The following LGSN variants were observed in gnomAD, a reference collection of about 807,000 sequenced individuals.
LGSN encodes the protein lengsin, lens protein with glutamine synthetase domain.
A neutral mutation model predicts 19.5 loss-of-function variants in LGSN; 21 were observed. The observed-to-expected ratio is 1.07, with a 90% confidence interval of 0.76 to 1.55. The LOEUF (loss-of-function observed/expected upper bound fraction) is 1.55, where lower values mean the gene tolerates loss of function less well. LGSN is among the 40% of genes most tolerant of loss of function. LGSN has a pLI of 0.00. For synonymous variants in LGSN, 257 were observed against 215.6 expected (o/e 1.19, Z -1.68); for missense variants, 673 against 608.5 (o/e 1.11, Z -1.12).
chr6:63,401,481 T>A, the LGSN span, among the ~76,000 whole-genome samples: 1 of 151,992 alleles, frequency 6.6e-6, no homozygotes, highest in East Asian at 1.9e-4. Flanking sequence ...ATAACAAGGT[T>A]ATAACCATCA....
intron 1 of LGSN, among the ~76,000 whole-genome samples, chr6:63,295,464 A>G (rs1767949766): frequency 6.6e-6 from 1 of 152,124 alleles, no homozygotes; most frequent in Admixed American, 6.5e-5. Context: ...TAAGCATCTG[A>G]AGAATTGTAT....
chr6:63,413,144 A>G, the LGSN span, among the ~76,000 whole-genome samples: 3 of 147,384 alleles, frequency 2.0e-5, no homozygotes, highest in African/African-American at 8.1e-5. Flanking sequence ...TCATATTAAT[A>G]AAATGTAAAG....
the LGSN span, among the ~76,000 whole-genome samples, chr6:63,465,018 T>G: frequency 7.8e-6 from 1 of 127,536 alleles, no homozygotes; most frequent in Non-Finnish European, 1.7e-5. Flanking sequence ...AAGAGCGAGA[T>G]TCTGTCTCAA....
intron 1 of LGSN, among the ~76,000 whole-genome samples, chr6:63,309,543 T>C (rs1768542539): frequency 6.6e-6 from 1 of 152,258 alleles, no homozygotes; most frequent in Non-Finnish European, 1.5e-5. Flanking sequence ...CCCATTTTTA[T>C]AAGATTGTCT....
At chr6:63,377,913 C>CAAAAAAAAAAAAA in the LGSN span, among the ~76,000 whole-genome samples, 18 of 54,312 alleles carry the variant, frequency 3.3e-4, no homozygotes, top group South Asian at 6.0e-4. Flanking sequence ...GACTCCATCT[C>CAAAAAAAAAAAAA]AAAAAAAAAA....
the LGSN span, among the ~76,000 whole-genome samples, chr6:63,487,756 G>A: frequency 7.1e-4 from 108 of 152,150 alleles, no homozygotes; most frequent in Non-Finnish European, 2.9e-5. Context: ...CGAGGTGGGC[G>A]GATCACCTAA....
the LGSN span, among the ~76,000 whole-genome samples, chr6:63,370,716 A>C: frequency 2.0e-5 from 3 of 152,328 alleles, no homozygotes; most frequent in Admixed American, 6.5e-5. Context: ...GCCAGATGTA[A>C]GCATTCTGCT....
chr6:63,531,956 A>G, the LGSN span, among the ~76,000 whole-genome samples: 1 of 151,594 alleles, frequency 6.6e-6, no homozygotes, highest in Admixed American at 6.6e-5. Flanking sequence ...ATCCACCACC[A>G]TGGCTGGTTA....
chr6:63,327,535 C>A, the LGSN span, among the ~76,000 whole-genome samples: 2 of 152,120 alleles, frequency 1.3e-5, no homozygotes, highest in Non-Finnish European at 2.9e-5. Context: ...GAGGTCTAGG[C>A]CTCGGCAGTA....
chr6:63,569,963 A>G, the LGSN span, among the ~76,000 whole-genome samples: 1 of 152,230 alleles, frequency 6.6e-6, no homozygotes, highest in Non-Finnish European at 1.5e-5. Flanking sequence ...CTGCAGCTTA[A>G]AAGTATTAAA....
At chr6:63,304,049 T>C (rs916737676) in intron 1 of LGSN, among the ~76,000 whole-genome samples, 3 of 152,368 alleles carry the variant, frequency 2.0e-5, no homozygotes, top group Non-Finnish European at 1.5e-5. Flanking sequence ...AAAAGGGGCC[T>C]ATGTGTGTGA....
At chr6:63,392,988 G>T in the LGSN span, among the ~76,000 whole-genome samples, 14 of 147,436 alleles carry the variant, frequency 9.5e-5, no homozygotes, top group African/African-American at 3.5e-4. Context: ...CCGGGTTCAC[G>T]CCATTCTCCT....
At chr6:63,430,754 T>C in the LGSN span, among the ~76,000 whole-genome samples, 1 of 152,116 alleles carries the variant, frequency 6.6e-6, no homozygotes, top group African/African-American at 2.4e-5. Flanking sequence ...CAAATACATA[T>C]AGAATTTTAA....
the LGSN span, among the ~76,000 whole-genome samples, chr6:63,500,270 A>G: frequency 6.6e-6 from 1 of 152,186 alleles, no homozygotes; most frequent in Non-Finnish European, 1.5e-5. Flanking sequence ...ATAATGGAAA[A>G]AAAAAAGATT....
At chr6:63,412,557 A>G in the LGSN span, among the ~76,000 whole-genome samples, 3 of 138,192 alleles carry the variant, frequency 2.2e-5, no homozygotes, top group African/African-American at 6.3e-5. Flanking sequence ...AAAGAAAGAA[A>G]GAAAGAAAGA....
At chr6:63,321,877 T>C (rs143571886), upstream of LGSN, among the ~76,000 whole-genome samples, 447 of 152,320 alleles carry the variant, frequency 2.9e-3, 3 homozygotes, top group African/African-American at 0.01. Flanking sequence ...CATTGAGCCA[T>C]GAATGTAAAT....
chr6:63,485,368 A>T, the LGSN span, among the ~76,000 whole-genome samples: 1 of 152,122 alleles, frequency 6.6e-6, no homozygotes, highest in Non-Finnish European at 1.5e-5. Flanking sequence ...ACATGATCTC[A>T]TTCTTTTATA....
At chr6:63,298,128 T>C (rs1768050348) in intron 1 of LGSN, among the ~76,000 whole-genome samples, 1 of 152,184 alleles carries the variant, frequency 6.6e-6, no homozygotes, top group Non-Finnish European at 1.5e-5. Flanking sequence ...ACAGATGGCC[T>C]CAGAAGTGGG....
At chr6:63,353,034 T>A in the LGSN span, among the ~76,000 whole-genome samples, 1 of 152,226 alleles carries the variant, frequency 6.6e-6, no homozygotes, top group East Asian at 1.9e-4. Flanking sequence ...ACCCTGGTTC[T>A]CACAGAAGAA....
Sources: gnomAD v4.1 joint callset for allele counts (sites outside exome capture counted in the v4.1 genomes callset) on GRCh38, gnomAD v4.1.1 for gene constraint, MANE v1.5 for transcripts, NCBI Gene and HGNC (gene_info 2026-07-23, HGNC 2026-07-21) for gene names.